Variants in DGKI observed in about 807,000 individuals in gnomAD.
DGKI encodes diacylglycerol kinase iota.
DGKI carries 55 observed loss-of-function variants against 147.5 expected under a neutral mutation model. The observed-to-expected ratio is 0.37, with a 90% CI of 0.30 to 0.47. DGKI has a LOEUF of 0.47. Ranked by LOEUF, DGKI falls within the 20% of genes least tolerant of loss-of-function variation. The probability of loss-of-function intolerance (pLI) is 1.00; values close to 1 mark genes in which losing one functional copy is unlikely to be tolerated. For missense variants in DGKI, 1,007 were observed against 1,323.8 expected, an observed-to-expected ratio of 0.76 and a Z score of 3.71; for synonymous variants, 469 against 477.1, an observed-to-expected ratio of 0.98 and a Z score of 0.22.
chr7:137,670,840 AACT>A (rs1240456074), intron 3 of DGKI, among the ~76,000 whole-genome samples: 6 of 152,226 alleles, frequency 3.9e-5, no homozygotes, highest in African/African-American at 1.4e-4. Flanking sequence ...TGTGCCAGAC[AACT>A]GGCATTTGAG....
chr7:137,510,000 T>C (rs1816524111), intron 21 of DGKI, among the ~76,000 whole-genome samples: 1 of 152,190 alleles, frequency 6.6e-6, no homozygotes, highest in Admixed American at 6.5e-5. Flanking sequence ...AAGACAAAAG[T>C]TGTCAGGTGG....
intron 28 of DGKI, among the ~76,000 whole-genome samples, chr7:137,436,218 G>A (rs908183625): frequency 1.3e-5 from 2 of 152,146 alleles, no homozygotes; most frequent in Non-Finnish European, 2.9e-5. Flanking sequence ...ACAGGAGATT[G>A]GAACCCTATT....
At chr7:137,499,552 A>T (rs1441264430) in intron 21 of DGKI, among the ~76,000 whole-genome samples, 6 of 152,120 alleles carry the variant, frequency 3.9e-5, no homozygotes, top group Admixed American at 3.9e-4. Context: ...GTGGAATAAA[A>T]GTGAATTCTT....
At chr7:137,713,147 A>C (rs1162137844) in intron 1 of DGKI, among the ~76,000 whole-genome samples, 1 of 152,168 alleles carries the variant, frequency 6.6e-6, no homozygotes, top group East Asian at 1.9e-4. Context: ...TTCCCAGAGG[A>C]GAATAAGAGC....
Position 137,381,703 on chromosome 7 carries a change from T to C in DGKI, c.*9517A>G, listed in dbSNP as rs1214940236. On this transcript the variant is annotated 3_prime_UTR_variant, in exon 33 of 33. Coordinates refer to ENST00000614521, the MANE Select transcript of DGKI (RefSeq NM_001321708.2). ...GTGGTCTGTATAATATTCAGATTCA[T>C]GGTTGCCCACTTAACTATTGGTAAT... 1.3e-5 allele frequency: 2 copies of C among 152,118 alleles called. No individual in the cohort carries two copies. Among genetic ancestry groups the C allele is most frequent in the Non-Finnish European group, 2.9e-5 (2 of 68,014 alleles). 9.4% of individuals were successfully genotyped at this position (152,118 alleles called of 1,614,324 possible). A position where few individuals can be genotyped will look rare whatever the true frequency, so the allele number is the denominator to read the frequency against.
chr7:137,602,570 A>G (rs962916344), intron 10 of DGKI, among the ~76,000 whole-genome samples: 5 of 152,338 alleles, frequency 3.3e-5, no homozygotes, highest in Non-Finnish European at 4.4e-5. Flanking sequence ...GAAAGCGTTG[A>G]AAAAATGCTC....
rs192585686 is a variant in DGKI at position 137,641,715 on chromosome 7, T to G, written c.804+3757A>C. 1.2e-4 allele frequency among the ~76,000 whole-genome samples: 18 copies of G among 152,386 alleles called. No individual in the cohort carries two copies. The East Asian group carries it at 3.3e-3, about 28-fold the overall frequency. ...TTTCAGATAAGGGATATTCAATGTG[T>G]ATACTGCATTTAAAACTGGCTTCAA... On this transcript the variant is annotated intron_variant, in intron 6 of 32. Transcript: ENST00000614521.
intron 1 of DGKI, among the ~76,000 whole-genome samples, chr7:137,822,068 A>G (rs1797921013): frequency 6.6e-6 from 1 of 152,184 alleles, no homozygotes; most frequent in Non-Finnish European, 1.5e-5. Flanking sequence ...ACCCTCTACT[A>G]AAAGCAGAGA....
At chr7:137,769,439 ACCAAAAGCAATT>A (rs752015916) in intron 1 of DGKI, among the ~76,000 whole-genome samples, 3 of 152,224 alleles carry the variant, frequency 2.0e-5, no homozygotes, top group Non-Finnish European at 4.4e-5. Context: ...TAGTTTTATC[ACCAAAAGCAATT>A]GCAACAAAAG....
rs545859164 is a variant in DGKI, at chr7:137,509,306, G to A, written c.2248+12560C>T. ...CAAATTGATGAAAAATTAGGTGAGT[G>A]ACTGGAGGATGAGTGAGGAAGCGAA... On this transcript the variant is annotated intron_variant, in intron 21 of 32. Coordinates refer to ENST00000614521, the MANE Select transcript of DGKI (RefSeq NM_001321708.2). Among the ~76,000 whole-genome samples the A allele has an allele frequency of 5.3e-5, 8 of 152,268 alleles. No homozygotes were observed. The South Asian group carries it at 1.7e-3, about 32-fold the overall frequency.
chr7:137,510,514 T>C lies in DGKI; in HGVS notation c.2248+11352A>G, dbSNP rs1171553356. On this transcript the variant is annotated intron_variant, in intron 21 of 32. Transcript: ENST00000614521. ...AAGGCTTGACTGTGACACTGGAATC[T>C]TGGCTACATGGCCAGGCTAGCCAGA... Among the ~76,000 whole-genome samples, 4 of 152,378 alleles carry C rather than the reference T, an allele frequency of 2.6e-5. No homozygotes were observed. In the East Asian group the frequency reaches 7.7e-4, roughly 29 times the overall value.
At chr7:137,771,793 T>C (rs1204461595) in intron 1 of DGKI, 1 of 152,144 alleles carries the variant, frequency 6.6e-6, no homozygotes, top group Non-Finnish European at 1.5e-5. Flanking sequence ...GCTTTGGCAG[T>C]GAAACCAGAA....
chr7:137,397,299 G>T lies in DGKI; in HGVS notation c.2957+78C>A, dbSNP rs183114078. ...ATTAAGTTAAAATTACCTATGATAT[G>T]CTCTATAGATTACATTCTTCTCCCA... On this transcript the variant is annotated intron_variant, in intron 31 of 32. Coordinates refer to ENST00000614521, the MANE Select transcript of DGKI (RefSeq NM_001321708.2). 492 of 1,372,238 alleles carry T rather than the reference G, an allele frequency of 3.6e-4. 9 individuals carry two copies. The Middle Eastern group carries it at 6.5e-3, about 18-fold the overall frequency. 85.0% of individuals were successfully genotyped at this position (1,372,238 alleles called of 1,614,324 possible). A position where few individuals can be genotyped will look rare whatever the true frequency, so the allele number is the denominator to read the frequency against.
chr7:137,704,768 T>C (rs1487676559), intron 1 of DGKI, among the ~76,000 whole-genome samples: 1 of 152,146 alleles, frequency 6.6e-6, no homozygotes, highest in Non-Finnish European at 1.5e-5. Context: ...TGAAAGCAGC[T>C]AGAGGAAAAT....
At chr7:137,662,564 C>T (rs1389050266) in intron 3 of DGKI, among the ~76,000 whole-genome samples, 1 of 151,986 alleles carries the variant, frequency 6.6e-6, no homozygotes, top group Non-Finnish European at 1.5e-5. Context: ...CTTTTATCCT[C>T]AGTATATCAC....
chr7:137,830,964 G>A (rs1219144233), intron 1 of DGKI, among the ~76,000 whole-genome samples: 1 of 152,148 alleles, frequency 6.6e-6, no homozygotes, highest in Non-Finnish European at 1.5e-5. Flanking sequence ...CTGTACAATA[G>A]TGATAACTAC....
intron 5 of DGKI, among the ~76,000 whole-genome samples, chr7:137,650,097 A>C (rs993437066): frequency 6.6e-6 from 1 of 152,152 alleles, no homozygotes; most frequent in African/African-American, 2.4e-5. Flanking sequence ...AAGAATTCTT[A>C]ATTTTTAATT....
intron 1 of DGKI, among the ~76,000 whole-genome samples, chr7:137,738,423 C>T (rs1477207713): frequency 6.6e-6 from 1 of 152,058 alleles, no homozygotes; most frequent in African/African-American, 2.4e-5. Flanking sequence ...AGGATCTAGT[C>T]ACTGTAAGAT....
intron 1 of DGKI, among the ~76,000 whole-genome samples, chr7:137,720,023 A>T (rs755988739): frequency 1.3e-5 from 2 of 152,082 alleles, no homozygotes; most frequent in African/African-American, 2.4e-5. Context: ...ACTTGATCTA[A>T]TATTCTGGTC....
Sources: gnomAD v4.1 joint callset for allele counts (sites outside exome capture counted in the v4.1 genomes callset) on GRCh38, gnomAD v4.1.1 for gene constraint, MANE v1.5 for transcripts, NCBI Gene and HGNC (gene_info 2026-07-23, HGNC 2026-07-21) for gene names.